Variants in ADAMTS17 observed in about 807,000 individuals in gnomAD.
The protein encoded by ADAMTS17 is A disintegrin and metalloproteinase with thrombospondin motifs 17.
ADAMTS17 carries 113 observed loss-of-function variants against 141.5 expected under a neutral mutation model. The ratio of observed to expected loss-of-function variants is 0.80; its 90% CI spans 0.69 to 0.93. ADAMTS17 has a LOEUF of 0.93. Ranked by LOEUF, ADAMTS17 falls within the 40% of genes least tolerant of loss-of-function variation. The probability of loss-of-function intolerance (pLI) is 0.00; values close to 1 mark genes in which losing one functional copy is unlikely to be tolerated. For missense variants in ADAMTS17, 1,659 were observed against 1,517.9 expected (o/e 1.09, Z -1.54); for synonymous variants, 768 against 630.6 (o/e 1.22, Z -3.27).
intron 16 of ADAMTS17, among the ~76,000 whole-genome samples, chr15:100,053,231 T>C (rs1442080574): frequency 6.6e-6 from 1 of 152,132 alleles, no homozygotes; most frequent in Non-Finnish European, 1.5e-5. Flanking sequence ...GGGCGCTCCA[T>C]TCCCTGGAGA....
At chr15:100,068,114 A>G (rs551007855) in intron 15 of ADAMTS17, among the ~76,000 whole-genome samples, 3 of 152,188 alleles carry the variant, frequency 2.0e-5, no homozygotes, top group Admixed American at 1.3e-4. Flanking sequence ...TATCCTGCGC[A>G]TGTCTCGGAG....
chr15:100,204,241 T>C (rs2041448344), intron 7 of ADAMTS17, among the ~76,000 whole-genome samples: 1 of 152,228 alleles, frequency 6.6e-6, no homozygotes, highest in Non-Finnish European at 1.5e-5. Flanking sequence ...CAGTAAGTTG[T>C]TGCATATAAG....
chr15:100,093,323 G>T (rs2035579008), intron 15 of ADAMTS17, among the ~76,000 whole-genome samples: 1 of 152,146 alleles, frequency 6.6e-6, no homozygotes. Flanking sequence ...CAGGGGTCAG[G>T]ACTTCACAAA....
chr15:100,272,619 A>G (rs1239291117), intron 4 of ADAMTS17, among the ~76,000 whole-genome samples: 1 of 42,190 alleles, frequency 2.4e-5, no homozygotes, highest in Non-Finnish European at 5.2e-5. Context: ...TTCTACATGT[A>G]ATAAATATGT....
At chr15:100,147,719 C>T (rs192998872) in intron 10 of ADAMTS17, among the ~76,000 whole-genome samples, 9 of 152,214 alleles carry the variant, frequency 5.9e-5, no homozygotes, top group Admixed American at 2.6e-4. Flanking sequence ...GGCCTTTGTA[C>T]GAATGTCATA....
rs1596371667 is a variant in ADAMTS17 at position 100,082,009 on chromosome 15, T to C, written c.2137+14347A>G. On this transcript the variant is annotated intron_variant, in intron 15 of 21. Coordinates refer to ENST00000268070, the MANE Select transcript of ADAMTS17 (RefSeq NM_139057.4). ...TCAGACTCTTTACTTACTAGACATG[T>C]TGCAAAAATTGTCAGTCTATCAGTC... 2.6e-5 allele frequency among the ~76,000 whole-genome samples: 4 copies of C among 152,232 alleles called. No individual in the cohort carries two copies. In the South Asian group the frequency reaches 8.3e-4, roughly 32 times the overall value.
chr15:100,281,118 CA>C (rs1190962611), intron 4 of ADAMTS17, 110 bp downstream of exon 4: 3 of 1,464,374 alleles, frequency 2.0e-6, no homozygotes, highest in Non-Finnish European at 2.8e-6. Context: ...CCCGTATCCC[CA>C]ACCCAGCGTC....
chr15:100,149,307 C>T (rs1449925141), intron 10 of ADAMTS17, among the ~76,000 whole-genome samples: 4 of 152,204 alleles, frequency 2.6e-5, no homozygotes. Flanking sequence ...TCTGCATTTT[C>T]TTCCCCAAAA....
In ADAMTS17 at chr15:99,974,435, T is replaced by G. The variant is rs765072526; in HGVS notation, c.3255A>C (p.Ala1085=). Residue 1085 remains alanine (A), a synonymous_variant, in exon 22 of 22, where the codon GCA becomes GCC. Transcript: ENST00000268070. The stretch of plus-strand genomic sequence containing the variant: ...TCGGCGGTGGCTGGCGCATCTTGTT[T>G]GCATAGAAGTCCCTGCAGGTCTGGC... ...RCCQTCRDFY[A]NKMRQPPPNS is the part of the protein sequence containing the mutation. 19 of 1,614,074 alleles carry G rather than the reference T, an allele frequency of 1.2e-5. No homozygotes were observed. Among genetic ancestry groups the G allele is most frequent in the Non-Finnish European group, 1.6e-5 (19 of 1,180,032 alleles).
chr15:100,279,428 G>A (rs1199785186), intron 4 of ADAMTS17, among the ~76,000 whole-genome samples: 2 of 152,064 alleles, frequency 1.3e-5, no homozygotes, highest in East Asian at 3.9e-4. Flanking sequence ...TCCGGGAATA[G>A]GCATGTCATC....
chr15:100,261,840 A>C (rs2043529996), intron 5 of ADAMTS17, among the ~76,000 whole-genome samples: 1 of 152,220 alleles, frequency 6.6e-6, no homozygotes, highest in Admixed American at 6.5e-5. Context: ...ATATAGGTGC[A>C]AGTGAAGACT....
intron 14 of ADAMTS17, among the ~76,000 whole-genome samples, chr15:100,107,953 G>A (rs988594702): frequency 2.0e-5 from 3 of 152,042 alleles, no homozygotes; most frequent in South Asian, 2.1e-4. Context: ...TGGCATAAGC[G>A]AGGCACAGAA....
At chr15:100,117,332 T>C (rs1403986433) in intron 12 of ADAMTS17, among the ~76,000 whole-genome samples, 2 of 152,202 alleles carry the variant, frequency 1.3e-5, no homozygotes, top group African/African-American at 4.8e-5. Flanking sequence ...TGGGTAACAC[T>C]GAAAACCCAA....
chr15:100,223,665 C>A (rs1026980061), intron 7 of ADAMTS17, among the ~76,000 whole-genome samples: 1 of 150,424 alleles, frequency 6.6e-6, no homozygotes, highest in East Asian at 1.9e-4. Context: ...ACACACACAC[C>A]CACAGACACA....
At chr15:100,222,836 G>A (rs2042176497) in intron 7 of ADAMTS17, among the ~76,000 whole-genome samples, 2 of 152,200 alleles carry the variant, frequency 1.3e-5, no homozygotes, top group South Asian at 2.1e-4. Flanking sequence ...TGACCAACTC[G>A]AATGCTACGG....
At position 100,340,761 on chromosome 15, in the gene ADAMTS17, A is replaced by G. The variant is rs540540599; in HGVS notation, c.450+278T>C. On this transcript the variant is annotated intron_variant, in intron 2 of 21. Coordinates refer to ENST00000268070, the MANE Select transcript of ADAMTS17 (RefSeq NM_139057.4). ...CATCCCTGCCAGATCTGCGCTCCCT[A>G]GAGCGGGCGGCGTATACCCCACGCA... is the stretch of plus-strand genomic sequence containing the variant. Among the ~76,000 whole-genome samples, 18 of 119,666 alleles carry G rather than the reference A, an allele frequency of 1.5e-4. No homozygotes were observed. In the South Asian group the frequency reaches 4.1e-3, roughly 27 times the overall value. 78.5% of individuals were successfully genotyped at this position (119,666 alleles called of 152,430 possible).
intron 7 of ADAMTS17, among the ~76,000 whole-genome samples, chr15:100,221,374 A>T (rs2141787822): frequency 6.6e-6 from 1 of 152,138 alleles, no homozygotes; most frequent in African/African-American, 2.4e-5. Flanking sequence ...GAGAGAAAAA[A>T]TTTTGCTACA....
intron 14 of ADAMTS17, among the ~76,000 whole-genome samples, chr15:100,099,975 C>T (rs1442545319): frequency 2.0e-5 from 3 of 152,224 alleles, no homozygotes; most frequent in Admixed American, 2.0e-4. Flanking sequence ...CCAGGGACAA[C>T]AGCCTCCTGG....
chr15:99,977,377 TATATATATATATATATATATATAA>T (rs1567632231), intron 20 of ADAMTS17, among the ~76,000 whole-genome samples: 1,719 of 23,028 alleles, frequency 0.075, 279 homozygotes, highest in Non-Finnish European at 0.096. Context: ...TATATATATA[TATATATATATATATATATATATAA>T]TTTTTTTTTT....
Sources: allele counts gnomAD v4.1 joint callset (sites outside exome capture counted in the v4.1 genomes callset), GRCh38; gene constraint gnomAD v4.1.1; transcripts MANE v1.5; gene names NCBI Gene and HGNC (gene_info 2026-07-23, HGNC 2026-07-21).